GGT5: variants seen among roughly 807,000 people sequenced by gnomAD.
GGT5 encodes gamma-glutamyltransferase 5.
GGT5 carries 50 observed loss-of-function variants against 58.1 expected under a neutral mutation model. The ratio of observed to expected loss-of-function variants is 0.86; its 90% CI spans 0.69 to 1.09. GGT5 has a LOEUF of 1.09. GGT5 is among the 50% of genes least tolerant of loss of function. The pLI is 0.00. For synonymous variants in GGT5, 370 were observed against 346.1 expected, an observed-to-expected ratio of 1.07 and a Z score of -0.77; for missense variants, 800 against 789.4, an observed-to-expected ratio of 1.01 and a Z score of -0.16.
At chr22:24,238,710 A>C (rs1396575893) in intron 1 of GGT5, among the ~76,000 whole-genome samples, 2 of 111,488 alleles carry the variant, frequency 1.8e-5, no homozygotes, top group African/African-American at 6.8e-5. Context: ...TCTCAAAAAA[A>C]AAAAAAAAGT....
At chr22:24,240,131 A>G (rs1467298722) in intron 1 of GGT5, among the ~76,000 whole-genome samples, 1 of 152,238 alleles carries the variant, frequency 6.6e-6, no homozygotes, top group Non-Finnish European at 1.5e-5. Context: ...AGCTCATGTT[A>G]GACTTTGATA....
rs6004104 is a variant in GGT5 at position 24,222,893 on chromosome 22, C to G, written c.1614+2103G>C. On this transcript the variant is annotated intron_variant, in intron 11 of 11. Transcript: ENST00000327365. ...GAGATCGAGACCATCCTGGCTAACA[C>G]GGTGAAACCCTGTCTCTACTAAAAA... Among the ~76,000 whole-genome samples, 5 of 151,714 alleles carry G rather than the reference C, an allele frequency of 3.3e-5. No homozygotes were observed. In the South Asian group the frequency reaches 1.0e-3, roughly 32 times the overall value.
In GGT5 at chr22:24,223,600, G is replaced by T. The variant is rs928006097; in HGVS notation, c.1614+1396C>A. Reference sequence around the variant, plus strand: ...ACAGGCTGAGGTCCTTAGTCTCAAGGTCTGAAAACTAAGGCTCTTGGGACT... The same window carrying T: ...ACAGGCTGAGGTCCTTAGTCTCAAGTTCTGAAAACTAAGGCTCTTGGGACT... On this transcript the variant is annotated intron_variant, in intron 11 of 11. Transcript: ENST00000327365. 2.6e-5 allele frequency among the ~76,000 whole-genome samples: 4 copies of T among 152,088 alleles called. No homozygotes were observed. The East Asian group carries it at 5.8e-4, about 22-fold the overall frequency.
intron 6 of GGT5, among the ~76,000 whole-genome samples, chr22:24,230,705 A>G (rs1435979707): frequency 1.3e-5 from 2 of 152,152 alleles, no homozygotes; most frequent in East Asian, 3.8e-4. Flanking sequence ...GAATACACAC[A>G]TAGTTTACCC....
chr22:24,234,475 C>T (rs902831814), intron 1 of GGT5, among the ~76,000 whole-genome samples: 25 of 152,302 alleles, frequency 1.6e-4, no homozygotes, highest in African/African-American at 5.8e-4. Context: ...GGGCATAGGG[C>T]TTGAGCTGAT....
At chr22:24,243,963 C>T (rs1384456664) in intron 1 of GGT5, 2 of 152,818 alleles carry the variant, frequency 1.3e-5, no homozygotes, top group African/African-American at 4.8e-5. Context: ...CAGGCCAGTA[C>T]CCACGCAGGG....
At chr22:24,221,071 G>A (rs988883142) in intron 11 of GGT5, among the ~76,000 whole-genome samples, 1 of 151,302 alleles carries the variant, frequency 6.6e-6, no homozygotes, top group African/African-American at 2.4e-5. Context: ...TTATGACTGA[G>A]ACAGGGAAAG....
chr22:24,231,489 C>A lies in GGT5; in HGVS notation c.796G>T (p.Glu266Ter), dbSNP rs139273816. 1 of 1,584,534 alleles carries A rather than the reference C, an allele frequency of 6.3e-7. No homozygotes were observed. The highest frequency in any genetic ancestry group is 1.2e-5 in the South Asian group (1 of 86,602). Residue 266 changes from glutamate to a stop codon, truncating the protein, a stop_gained, in exon 6 of 12, where the codon GAG becomes TAG. Coordinates refer to ENST00000327365, the MANE Select transcript of GGT5 (RefSeq NM_004121.5). LOFTEE classifies it high-confidence loss of function. ...GGCACCTCCAGGGCATCCACCACCT[C>A]GGGCTGGAACTTGGCCAGGTCCTGC... ...TLQDLAKFQP[E>*]VVDALEVPLG...
chr22:24,223,263 G>T (rs1213895361), intron 11 of GGT5, among the ~76,000 whole-genome samples: 3 of 152,088 alleles, frequency 2.0e-5, no homozygotes, highest in Non-Finnish European at 4.4e-5. Context: ...TTAGCCAGGT[G>T]TGGTGGCGCA....
chr22:24,242,241 A>T (rs1182778601), intron 1 of GGT5: 3 of 152,204 alleles, frequency 2.0e-5, no homozygotes, highest in African/African-American at 7.2e-5. Flanking sequence ...CAGAAAGCTT[A>T]GGAGCTTGCA....
In GGT5 at chr22:24,238,873, TAATATATATTATATATTTTATATA is replaced by T. The variant is rs1569372070; in HGVS notation, c.174-4893_174-4870del. Among the ~76,000 whole-genome samples the T allele has an allele frequency of 4.8e-3, 56 of 11,770 alleles. 4 individuals are homozygous for T. Among genetic ancestry groups the T allele is most frequent in the Middle Eastern group, 0.045 (1 of 22 alleles). 7.7% of individuals were successfully genotyped at this position (11,770 alleles called of 152,430 possible). Reference sequence around the variant, plus strand: ...ATATATATTATATATATAATATATATAATATATATTATATATTTTATATATATATATATTATATATATTATATAT... The same window carrying T: ...ATATATATTATATATATAATATATATTATATATATTATATATATTATATAT... On this transcript the variant is annotated intron_variant, in intron 1 of 11. Coordinates refer to ENST00000327365, the MANE Select transcript of GGT5 (RefSeq NM_004121.5).
At chr22:24,234,710 C>T (rs867612695) in intron 1 of GGT5, among the ~76,000 whole-genome samples, 1 of 152,052 alleles carries the variant, frequency 6.6e-6, no homozygotes, top group Admixed American at 6.6e-5. Flanking sequence ...ATCCCAGCTA[C>T]GCAGGAGGCT....
chr22:24,240,790 A>G (rs1739354559), intron 1 of GGT5, among the ~76,000 whole-genome samples: 1 of 152,276 alleles, frequency 6.6e-6, no homozygotes, highest in Non-Finnish European at 1.5e-5. Flanking sequence ...CATGCCCAGC[A>G]TAACTATTTT....
chr22:24,225,607 G>A lies in GGT5; in HGVS notation c.1275C>T (p.Asn425=). 6.2e-7 allele frequency: 1 copy of A among 1,613,546 alleles called. No homozygotes were observed. Among genetic ancestry groups the A allele is most frequent in the Non-Finnish European group, 8.5e-7 (1 of 1,179,454 alleles). The part of the protein sequence containing the change: ...VYSPRTGIIL[N]NELLDLCERC... ...GCTCGCATAAGTCCAGGAGCTCGTT[G>A]TTGAGGATGATGCCTGTCCGTGGTG... Residue 425 remains asparagine (N), a synonymous_variant, in exon 9 of 12, where the codon AAC becomes AAT. Transcript: ENST00000327365.
chr22:24,226,505 G>T, intron 7 of GGT5, 126 bp downstream of exon 7: 2 of 1,062,906 alleles, frequency 1.9e-6, no homozygotes, highest in Non-Finnish European at 2.8e-6. Context: ...TTTCAGTCCT[G>T]CCCTGGCCTA....
intron 6 of GGT5, among the ~76,000 whole-genome samples, chr22:24,228,066 ACAAAAC>A (rs750934825): frequency 0.012 from 980 of 83,358 alleles, 160 homozygotes; most frequent in East Asian, 0.016. Flanking sequence ...AAAAAAAAAA[ACAAAAC>A]AAAAAAAAAA....
Position 24,232,103 on chromosome 22 carries a change from G to A in GGT5, c.702C>T (p.Val234=). Reference sequence around the variant, plus strand: ...TCTGGCCCAGCCTCCCCGTGTAGAAGACCTCCACGCCCTCTGTGGCCACGG... The same window carrying A: ...TCTGGCCCAGCCTCCCCGTGTAGAAAACCTCCACGCCCTCTGTGGCCACGG... ...LETVATEGVE[V]FYTGRLGQML... is the part of the protein sequence containing the mutation. Residue 234 remains valine, a synonymous_variant, in exon 5 of 12, where the codon GTC becomes GTT. Coordinates refer to ENST00000327365, the MANE Select transcript of GGT5 (RefSeq NM_004121.5). The A allele has an allele frequency of 6.2e-7, 1 of 1,612,592 alleles. No individual in the cohort carries two copies. Among genetic ancestry groups the A allele is most frequent in the Non-Finnish European group, 8.5e-7 (1 of 1,179,070 alleles).
At chr22:24,232,710 C>T (rs533331460) in intron 4 of GGT5, 113 bp downstream of exon 4, 3 of 672,016 alleles carry the variant, frequency 4.5e-6, no homozygotes, top group South Asian at 3.3e-5. Flanking sequence ...GCCAGCACCC[C>T]GAGGGTCAAT....
At position 24,244,587 on chromosome 22, in the gene GGT5, C is replaced by T; in HGVS notation, c.139G>A (p.Ala47Thr). ...GPQAFAHAAV[A>T]ADSKVCSDIG... is the part of the protein sequence containing the mutation. ...TCCGAGCAGACCTTGGAGTCGGCGG[C>T]AACAGCAGCGTGGGCAAAGGCCTGG... Residue 47 changes from alanine (A) to threonine (T), a missense_variant, in exon 1 of 12, where the codon GCC becomes ACC. Coordinates refer to ENST00000327365, the MANE Select transcript of GGT5 (RefSeq NM_004121.5). 1 of 1,612,430 alleles carries T rather than the reference C, an allele frequency of 6.2e-7. No homozygotes were observed. The highest frequency in any genetic ancestry group is 1.1e-5 in the South Asian group (1 of 91,016).
Sources: allele counts gnomAD v4.1 joint callset (sites outside exome capture counted in the v4.1 genomes callset), GRCh38; gene constraint gnomAD v4.1.1; transcripts MANE v1.5; gene names NCBI Gene and HGNC (gene_info 2026-07-23, HGNC 2026-07-21).